Variants in COL6A3 observed in about 807,000 individuals in gnomAD.
COL6A3 encodes collagen type VI alpha 3 chain.
A neutral mutation model predicts 274.1 loss-of-function variants in COL6A3; 137 were observed. The ratio of observed to expected loss-of-function variants is 0.50; its 90% CI spans 0.44 to 0.58. The LOEUF is 0.58. Among genes scored for constraint, COL6A3 ranks in the 20% least tolerant of loss-of-function variants. The pLI is 0.00. For missense variants in COL6A3, 3,950 were observed against 4,124.9 expected, an observed-to-expected ratio of 0.96 and a Z score of 1.16; for synonymous variants, 1,650 against 1,650.6, an observed-to-expected ratio of 1.00 and a Z score of 0.01.
chr2:237,373,393 T>C (rs2106359231), intron 8 of COL6A3, among the ~76,000 whole-genome samples: 1 of 152,306 alleles, frequency 6.6e-6, no homozygotes. Flanking sequence ...TCTTTCACTT[T>C]GTTTATCCCA....
intron 1 of COL6A3, 93 bp from the exon 2 acceptor site, chr2:237,396,940 G>A: frequency 1.2e-6 from 1 of 847,368 alleles, no homozygotes; most frequent in Non-Finnish European, 2.0e-6. Flanking sequence ...GTCCTTTTTA[G>A]ACTTCCAAGA....
intron 31 of COL6A3, 54 bp from the exon 32 acceptor site, chr2:237,346,619 A>T: frequency 6.6e-7 from 1 of 1,508,562 alleles, no homozygotes; most frequent in South Asian, 1.1e-5. Context: ...GGAGAATTTA[A>T]GGCTCCTATA....
In COL6A3 at chr2:237,378,617, G is replaced by A. The variant is rs141966456; in HGVS notation, c.2497+19C>T. The A allele has an allele frequency of 1.1e-4, 179 of 1,612,164 alleles. No homozygotes were observed. In the East Asian group the frequency reaches 2.9e-3, roughly 26 times the overall value. On this transcript the variant is annotated intron_variant, in intron 6 of 43. Coordinates refer to ENST00000295550, the MANE Select transcript of COL6A3 (RefSeq NM_004369.4). The stretch of plus-strand genomic sequence containing the variant: ...GTCTGAGGAAGGAGAGGGAGTTCCC[G>A]GCAACAGGGGAGGTTTACCTGGCTG...
At position 237,372,238 on chromosome 2, in the gene COL6A3, T is replaced by C. The variant is rs773456951; in HGVS notation, c.3779A>G (p.Asp1260Gly). 4.3e-6 allele frequency: 7 copies of C among 1,614,008 alleles called. No individual in the cohort carries two copies. The highest frequency in any genetic ancestry group is 5.9e-6 in the Non-Finnish European group (7 of 1,180,034). Residue 1260 changes from aspartate (D) to glycine (G), a missense_variant, in exon 9 of 44, where the codon GAC (aspartate) becomes GGC (glycine). This residue lies in a region of COL6A3 where 1,934 missense variants were observed against 1,984.3 expected (regional missense o/e 0.97). Coordinates refer to ENST00000295550, the MANE Select transcript of COL6A3 (RefSeq NM_004369.4). ...YVRTLIERLV[D>G]YLDVGFDTTR... The stretch of plus-strand genomic sequence containing the variant: ...GGTGTCAAAGCCCACGTCCAGGTAG[T>C]CAACCAGCCTCTCTATGAGGGTGCG...
At chr2:237,366,144 C>G (rs2077546713) in intron 11 of COL6A3, 109 bp from the exon 12 acceptor site, 1 of 922,952 alleles carries the variant, frequency 1.1e-6, no homozygotes, top group Non-Finnish European at 1.8e-6. Flanking sequence ...GCATCGCACT[C>G]AAGTGCAAAA....
At chr2:237,360,028 G>A (rs2077399426) in intron 17 of COL6A3, 60 bp downstream of exon 17, 1 of 1,551,610 alleles carries the variant, frequency 6.4e-7, no homozygotes, top group Non-Finnish European at 8.9e-7. Context: ...GCAGCATCTG[G>A]AGAAACTGCG....
At chr2:237,375,235 T>C (rs2077806296) in intron 7 of COL6A3, among the ~76,000 whole-genome samples, 1 of 152,124 alleles carries the variant, frequency 6.6e-6, no homozygotes, top group African/African-American at 2.4e-5. Context: ...ATCACAAGTG[T>C]CCTTATAAGA....
intron 16 of COL6A3, 122 bp from the exon 17 acceptor site, chr2:237,360,281 G>C (rs759570141): frequency 2.0e-6 from 2 of 995,014 alleles, no homozygotes; most frequent in African/African-American, 1.6e-5. Context: ...TTTCACCATG[G>C]GGAACGCCGA....
In COL6A3 at chr2:237,365,993, T is replaced by G. The variant is rs1341220540; in HGVS notation, c.5543A>C (p.Asp1848Ala). 2.5e-6 allele frequency: 4 copies of G among 1,613,696 alleles called. No individual in the cohort carries two copies. The African/African-American group carries it at 5.3e-5, about 22-fold the overall frequency. Residue 1848 changes from aspartate (D) to alanine (A), a missense_variant, in exon 12 of 44, where the codon GAC becomes GCC. By Grantham distance (126) the Asp-to-Ala change is moderately radical. This residue lies in a region of COL6A3 where 632 missense variants were observed against 623.4 expected (regional missense o/e 1.01). Transcript: ENST00000295550. The part of the protein sequence containing the change: ...DVILGFDGSR[D>A]QNVFVAQKGF... The stretch of plus-strand genomic sequence containing the variant: ...CTTCTGGGCCACAAAAACATTCTGG[T>G]CTCTAGAACCATCAAACCCCAGAAT...
chr2:237,368,428 T>C lies in COL6A3; in HGVS notation c.4900+135A>G, dbSNP rs1348231687. On this transcript the variant is annotated intron_variant, in intron 10 of 43. Transcript: ENST00000295550. The surrounding 1 kb of genome is among the most constrained non-coding windows in gnomAD (Gnocchi z 4.4). Reference sequence around the variant, plus strand: ...AATTTCAATGGAACTACTTTTCCAGTATTTAATTTCTAATATTATCTGAAG... The same window carrying C: ...AATTTCAATGGAACTACTTTTCCAGCATTTAATTTCTAATATTATCTGAAG... 1 of 1,106,230 alleles carries C rather than the reference T, an allele frequency of 9.0e-7. No homozygotes were observed. Among genetic ancestry groups the C allele is most frequent in the Non-Finnish European group, 1.3e-6 (1 of 787,412 alleles). The allele number at this position is 1,106,230 out of a possible 1,614,324, so 68.5% of individuals were successfully genotyped here. A position where few individuals can be genotyped will look rare whatever the true frequency, so the allele number is the denominator to read the frequency against.
chr2:237,375,581 C>G (rs957354005), intron 7 of COL6A3, among the ~76,000 whole-genome samples: 1 of 152,094 alleles, frequency 6.6e-6, no homozygotes, highest in Admixed American at 6.5e-5. Context: ...TCGCTCTTGT[C>G]GCCCAGGCTA....
intron 3 of COL6A3, among the ~76,000 whole-genome samples, chr2:237,390,811 A>G (rs1205386496): frequency 2.0e-5 from 3 of 152,212 alleles, no homozygotes; most frequent in African/African-American, 7.2e-5. Context: ...TTCATCCTTT[A>G]CAGAGAAAAG....
At chr2:237,411,198 G>A (rs2078847062) in intron 1 of COL6A3, among the ~76,000 whole-genome samples, 1 of 152,134 alleles carries the variant, frequency 6.6e-6, no homozygotes. Context: ...TCCCCCAAGA[G>A]ATAGCAGATT....
At position 237,358,544 on chromosome 2, in the gene COL6A3, C is replaced by A; in HGVS notation, c.6448G>T (p.Asp2150Tyr). Residue 2150 changes from aspartate (D) to tyrosine (Y), a missense_variant, in exon 21 of 44, where the codon GAT becomes TAT. Asp to Tyr is a radical substitution (Grantham distance 160). Coordinates refer to ENST00000295550, the MANE Select transcript of COL6A3 (RefSeq NM_004369.4). ...GPRGEKGERG[D>Y]VGIRGDPGNP... ...ACCGGGTCCCCTCGAATCCCAACAT[C>A]TCCTCTTTCTCCTTTCTCTCCTCGA... The A allele has an allele frequency of 1.2e-6, 2 of 1,614,146 alleles. No homozygotes were observed. Among genetic ancestry groups the A allele is most frequent in the Non-Finnish European group, 1.7e-6 (2 of 1,179,980 alleles).
Position 237,374,408 on chromosome 2 carries a change from G to A in COL6A3, c.3679+4C>T, listed in dbSNP as rs774411894. On this transcript the variant is annotated splice_donor_region_variant and intron_variant, in intron 8 of 43. Coordinates refer to ENST00000295550, the MANE Select transcript of COL6A3 (RefSeq NM_004369.4). This position sits in a 1 kb window ranked among gnomAD's most constrained non-coding sequence, Gnocchi z 4.8. Reference sequence around the variant, plus strand: ...AGTGAGGATGCAAAGAGTTCCCTGCGTACCTGGGCTCGGTAGAGGCTGCAA... The same window carrying A: ...AGTGAGGATGCAAAGAGTTCCCTGCATACCTGGGCTCGGTAGAGGCTGCAA... 36 of 1,611,750 alleles carry A rather than the reference G, an allele frequency of 2.2e-5. No homozygotes were observed. The highest frequency in any genetic ancestry group is 5.5e-5 in the South Asian group (5 of 91,020).
intron 43 of COL6A3, 40 bp downstream of exon 43, chr2:237,325,520 T>A (rs747397139): frequency 1.5e-4 from 242 of 1,610,894 alleles, no homozygotes; most frequent in Middle Eastern, 3.3e-4. Flanking sequence ...CCTGAATCTC[T>A]TATTTGCAGA....
intron 23 of COL6A3, chr2:237,357,131 G>A (rs1224546834): frequency 2.9e-6 from 2 of 693,536 alleles, no homozygotes; most frequent in African/African-American, 3.5e-5. Flanking sequence ...TATGTTTTTG[G>A]GGAGAGCAAG....
intron 36 of COL6A3, 144 bp from the exon 37 acceptor site, chr2:237,342,305 G>C (rs1470948177): frequency 2.8e-6 from 2 of 720,526 alleles, no homozygotes; most frequent in East Asian, 2.7e-5. Context: ...TTCTCATTTG[G>C]GGGTGGGGTT....
intron 26 of COL6A3, among the ~76,000 whole-genome samples, chr2:237,352,141 A>G (rs1374245996): frequency 6.6e-6 from 1 of 152,218 alleles, no homozygotes; most frequent in Admixed American, 6.5e-5. Context: ...GGCACTCACT[A>G]TACAAAATAC....
Sources: allele counts gnomAD v4.1 joint callset (sites outside exome capture counted in the v4.1 genomes callset), GRCh38; gene constraint gnomAD v4.1.1; regional missense constraint gnomAD v4.1.1; non-coding constraint Gnocchi (gnomAD v3.1); transcripts MANE v1.5; gene names NCBI Gene and HGNC (gene_info 2026-07-23, HGNC 2026-07-21).